Variants in PDZRN3 observed in about 807,000 individuals in gnomAD.
PDZRN3 encodes PDZ domain containing ring finger 3.
Under a neutral mutation model 85.7 loss-of-function variants are expected in PDZRN3, and 38 were observed. That is an observed-to-expected ratio of 0.44 (90% CI 0.34 to 0.58). The LOEUF is 0.58. Ranked by LOEUF, PDZRN3 falls within the 20% of genes least tolerant of loss-of-function variation. The pLI, the probability that PDZRN3 is intolerant of heterozygous loss-of-function variation, is 0.01. For missense variants in PDZRN3, 1,629 were observed against 1,506.4 expected, an observed-to-expected ratio of 1.08 and a Z score of -1.35; for synonymous variants, 759 against 638.0, an observed-to-expected ratio of 1.19 and a Z score of -2.86.
intron 3 of PDZRN3, among the ~76,000 whole-genome samples, chr3:73,444,044 C>A (rs544525038): frequency 6.6e-6 from 1 of 152,190 alleles, no homozygotes; most frequent in South Asian, 2.1e-4. Flanking sequence ...TGACCTTTCC[C>A]ACATCTGTCT....
rs1329322507 is a variant in PDZRN3, at chr3:73,416,893, T to G, written c.919-12498A>C. Among the ~76,000 whole-genome samples, 449 of 142,462 alleles carry G rather than the reference T, an allele frequency of 3.2e-3. 8 individuals are homozygous for G. The highest frequency in any genetic ancestry group is 0.011 in the African/African-American group (418 of 37,632). 93.5% of individuals were successfully genotyped at this position (142,462 alleles called of 152,430 possible). A position where few individuals can be genotyped will look rare whatever the true frequency, so the allele number is the denominator to read the frequency against. On this transcript the variant is annotated intron_variant, in intron 3 of 9. Transcript: ENST00000263666. ...TTTTTTTGGTTTTTTTTTTTTTTTT[T>G]TTTTTTTTTTTTTTTTGAGACAGAG...
intron 3 of PDZRN3, among the ~76,000 whole-genome samples, chr3:73,515,238 C>T (rs1008263972): frequency 2.1e-5 from 3 of 143,592 alleles, no homozygotes; most frequent in African/African-American, 7.8e-5. Context: ...TGCAGTGGCG[C>T]GATCTCGGCT....
intron 3 of PDZRN3, among the ~76,000 whole-genome samples, chr3:73,465,723 C>A (rs1357477691): frequency 6.6e-6 from 1 of 152,156 alleles, no homozygotes; most frequent in Non-Finnish European, 1.5e-5. Context: ...GATCCAAATT[C>A]CCCCCAAAGG....
chr3:73,406,622 T>C (rs1429923214), intron 3 of PDZRN3, among the ~76,000 whole-genome samples: 1 of 152,226 alleles, frequency 6.6e-6, no homozygotes, highest in African/African-American at 2.4e-5. Context: ...ACGTTAGTTA[T>C]ACCCACAATG....
rs527870458 is a variant in PDZRN3, at chr3:73,519,910, T to C, written c.918+82444A>G. Among the ~76,000 whole-genome samples, 9 of 152,244 alleles carry C rather than the reference T, an allele frequency of 5.9e-5. No individual in the cohort carries two copies. The South Asian group carries it at 1.7e-3, about 28-fold the overall frequency. ...TAGACCTTACTGGCCAGAGCTGCCA[T>C]AGACAGCAGTACAGGCTGTACAATG... On this transcript the variant is annotated intron_variant, in intron 3 of 9. Transcript: ENST00000263666.
chr3:73,570,099 G>A (rs1038845576), intron 3 of PDZRN3, among the ~76,000 whole-genome samples: 18 of 152,016 alleles, frequency 1.2e-4, no homozygotes, highest in African/African-American at 4.4e-4. Flanking sequence ...ATTTGGTCTC[G>A]CTTACTGCCT....
intron 3 of PDZRN3, chr3:73,434,025 T>TAC (rs1702485238): frequency 1.0e-6 from 1 of 980,248 alleles, no homozygotes; most frequent in Non-Finnish European, 1.3e-6. Context: ...ACGCTATATA[T>TAC]ACTGCTGCTC....
At chr3:73,555,509 A>T (rs1225479316) in intron 3 of PDZRN3, among the ~76,000 whole-genome samples, 1 of 152,226 alleles carries the variant, frequency 6.6e-6, no homozygotes, top group African/African-American at 2.4e-5. Context: ...CATTTTGTTA[A>T]AAGTATTATT....
chr3:73,425,328 T>C lies in PDZRN3; in HGVS notation c.919-20933A>G, dbSNP rs1474216144. ...CCACCGCGCCCAGCCATCATCAGTCTTAGTCTTATATAATAATGATTATCC... is the reference window on the plus strand; with the variant it reads ...CCACCGCGCCCAGCCATCATCAGTCCTAGTCTTATATAATAATGATTATCC... On this transcript the variant is annotated intron_variant, in intron 3 of 9. Transcript: ENST00000263666. Among the ~76,000 whole-genome samples, 4 of 152,122 alleles carry C rather than the reference T, an allele frequency of 2.6e-5. No homozygotes were observed. The East Asian group carries it at 7.7e-4, about 29-fold the overall frequency.
rs559029073 is a variant in PDZRN3 at position 73,555,879 on chromosome 3, T to C, written c.918+46475A>G. Among the ~76,000 whole-genome samples, 9 of 152,322 alleles carry C rather than the reference T, an allele frequency of 5.9e-5. No homozygotes were observed. The South Asian group carries it at 8.3e-4, about 14-fold the overall frequency. On this transcript the variant is annotated intron_variant, in intron 3 of 9. Transcript: ENST00000263666. ...GCTGGAAATACCTCTTCCTTCCACA[T>C]CCTTATTGTTCTTACACACATAAAT...
At chr3:73,531,084 A>G (rs1021588188) in intron 3 of PDZRN3, among the ~76,000 whole-genome samples, 1 of 151,944 alleles carries the variant, frequency 6.6e-6, no homozygotes, top group Non-Finnish European at 1.5e-5. Context: ...TCCCGTCTCT[A>G]CTAAAAATAC....
Position 73,609,878 on chromosome 3 carries a change from T to C in PDZRN3, c.724-1194A>G, listed in dbSNP as rs1160194846. 2.0e-5 allele frequency among the ~76,000 whole-genome samples: 3 copies of C among 152,338 alleles called. 1 individual carries two copies. The East Asian group carries it at 5.8e-4, about 29-fold the overall frequency. On this transcript the variant is annotated intron_variant, in intron 1 of 9. Coordinates refer to ENST00000263666, the MANE Select transcript of PDZRN3 (RefSeq NM_015009.3). ...TTTCTACCTGCAGTGCCCTGTGAGT[T>C]TTCTGGAGCACCGCTTCATTTATTG... is the stretch of plus-strand genomic sequence containing the variant.
Position 73,391,084 on chromosome 3 carries a change from G to T in PDZRN3, c.1287C>A (p.Asp429Glu). The stretch of plus-strand genomic sequence containing the variant: ...GGTAGCACACAGTGAGGCCCAGCTT[G>T]TCCTGGCTGTTCATTCTGTAGAGGT... ...EVDLYRMNSQ[D>E]KLGLTVCYRT... Residue 429 changes from aspartate to glutamate, a missense_variant, in exon 6 of 10, where the codon GAC (aspartate) becomes GAA (glutamate). Asp to Glu is a conservative substitution (Grantham distance 45, BLOSUM62 2). Transcript: ENST00000263666. 2 of 1,613,814 alleles carry T rather than the reference G, an allele frequency of 1.2e-6. No homozygotes were observed. The highest frequency in any genetic ancestry group is 1.7e-6 in the Non-Finnish European group (2 of 1,179,686).
chr3:73,392,235 G>T (rs1488123431), intron 5 of PDZRN3, among the ~76,000 whole-genome samples: 1 of 152,242 alleles, frequency 6.6e-6, no homozygotes, highest in Admixed American at 6.5e-5. Context: ...AAGGAAGAGA[G>T]AAGTGGGCTG....
chr3:73,624,936 C>T lies in PDZRN3; in HGVS notation c.-111G>A, dbSNP rs572357886. Reference sequence around the variant, plus strand: ...CGCCCGCGCGCTCGCTGGCTCTCCCCGGACTGAGCCTAATTGATCCAGACT... The same window carrying T: ...CGCCCGCGCGCTCGCTGGCTCTCCCTGGACTGAGCCTAATTGATCCAGACT... On this transcript the variant is annotated 5_prime_UTR_variant, in exon 1 of 10. Coordinates refer to ENST00000263666, the MANE Select transcript of PDZRN3 (RefSeq NM_015009.3). 10 of 796,330 alleles carry T rather than the reference C, an allele frequency of 1.3e-5. No individual in the cohort carries two copies. In the Admixed American group the frequency reaches 1.8e-4, roughly 14 times the overall value. 49.3% of individuals were successfully genotyped at this position (796,330 alleles called of 1,614,324 possible). A position where few individuals can be genotyped will look rare whatever the true frequency, so the allele number is the denominator to read the frequency against.
In PDZRN3 at chr3:73,612,886, G is replaced by A. The variant is rs148939180; in HGVS notation, c.724-4202C>T. On this transcript the variant is annotated intron_variant, in intron 1 of 9. Coordinates refer to ENST00000263666, the MANE Select transcript of PDZRN3 (RefSeq NM_015009.3). ...AGACAGATACCCAAAGACTGCCTCAGTATGGCATCTGGCCAATAATTAGCA... is the reference window on the plus strand; with the variant it reads ...AGACAGATACCCAAAGACTGCCTCAATATGGCATCTGGCCAATAATTAGCA... Among the ~76,000 whole-genome samples the A allele has an allele frequency of 1.1e-4, 17 of 152,334 alleles. No individual in the cohort carries two copies. The East Asian group carries it at 2.9e-3, about 26-fold the overall frequency.
intron 5 of PDZRN3, among the ~76,000 whole-genome samples, chr3:73,400,547 CTT>C (rs1701727998): frequency 6.6e-6 from 1 of 152,194 alleles, no homozygotes; most frequent in Non-Finnish European, 1.5e-5. Context: ...TCCACCTACT[CTT>C]GAGCCATCTG....
chr3:73,385,789 C>T lies in PDZRN3; in HGVS notation c.1519-4G>A, dbSNP rs779571336. ...CATCCATCCAGCCCTCATCCAGCTG[C>T]AGGCAAGAGCAGCCAACACATGCCT... On this transcript the variant is annotated splice_polypyrimidine_tract_variant and splice_region_variant and intron_variant, in intron 8 of 9. Coordinates refer to ENST00000263666, the MANE Select transcript of PDZRN3 (RefSeq NM_015009.3). 6.5e-7 allele frequency: 1 copy of T among 1,541,930 alleles called. No homozygotes were observed. Among genetic ancestry groups the T allele is most frequent in the East Asian group, 2.2e-5 (1 of 44,540 alleles).
chr3:73,502,162 G>A (rs1703992497), intron 3 of PDZRN3, among the ~76,000 whole-genome samples: 1 of 150,410 alleles, frequency 6.6e-6, no homozygotes, highest in Admixed American at 6.6e-5. Context: ...TGGGCTAAGT[G>A]AGAAAAAAAT....
Sources: gnomAD v4.1 joint callset for allele counts (sites outside exome capture counted in the v4.1 genomes callset) on GRCh38, gnomAD v4.1.1 for gene constraint, MANE v1.5 for transcripts, NCBI Gene and HGNC (gene_info 2026-07-23, HGNC 2026-07-21) for gene names.